Variants in ARMH4 observed in about 807,000 individuals in gnomAD.
The protein encoded by ARMH4 is armadillo like helical domain containing 4, also known as armadillo-like helical domain-containing protein 4.
A neutral mutation model predicts 61.9 loss-of-function variants in ARMH4; 49 were observed. The observed-to-expected ratio is 0.79, with a 90% CI of 0.63 to 1.00. The LOEUF (loss-of-function observed/expected upper bound fraction) is 1.00. ARMH4 is among the 50% of genes least tolerant of loss of function. The pLI, the probability that ARMH4 is intolerant of heterozygous loss-of-function variation, is 0.00. For missense variants in ARMH4, 934 were observed against 930.0 expected (o/e 1.00, Z -0.06); for synonymous variants, 368 against 341.5 (o/e 1.08, Z -0.85).
At chr14:58,103,300 A>G (rs962394581) in intron 4 of ARMH4, among the ~76,000 whole-genome samples, 1 of 152,094 alleles carries the variant, frequency 6.6e-6, no homozygotes, top group Non-Finnish European at 1.5e-5. Context: ...CCTCCCTGCT[A>G]TGGTCTGCAT....
chr14:58,061,246 G>A (rs902384571), intron 5 of ARMH4, among the ~76,000 whole-genome samples: 3 of 152,154 alleles, frequency 2.0e-5, no homozygotes, highest in Non-Finnish European at 4.4e-5. Flanking sequence ...CCAAGTCTAG[G>A]ACGAGCGACC....
At chr14:58,058,807 T>A (rs1884430812) in intron 5 of ARMH4, among the ~76,000 whole-genome samples, 1 of 152,170 alleles carries the variant, frequency 6.6e-6, no homozygotes, top group African/African-American at 2.4e-5. Flanking sequence ...GGATCTTCAG[T>A]TGATTGAATT....
chr14:58,097,206 T>C (rs1885783672), intron 4 of ARMH4, among the ~76,000 whole-genome samples: 1 of 152,204 alleles, frequency 6.6e-6, no homozygotes, highest in Admixed American at 6.5e-5. Flanking sequence ...AAGTATCAGG[T>C]ATTATGTTTA....
chr14:58,078,750 G>C (rs953510456), intron 5 of ARMH4, among the ~76,000 whole-genome samples: 4 of 152,214 alleles, frequency 2.6e-5, no homozygotes, highest in Admixed American at 2.0e-4. Context: ...AGTAGGCATG[G>C]CTGTGTTCCC....
chr14:58,067,670 T>G (rs1193250139), intron 5 of ARMH4, among the ~76,000 whole-genome samples: 1 of 152,214 alleles, frequency 6.6e-6, no homozygotes, highest in African/African-American at 2.4e-5. Flanking sequence ...AAGCCAGGGT[T>G]ATATAGTTTA....
intron 5 of ARMH4, among the ~76,000 whole-genome samples, chr14:58,072,834 C>G (rs1447141295): frequency 1.3e-5 from 2 of 152,052 alleles, no homozygotes. Flanking sequence ...GTAGGTGGTG[C>G]CTGAGACAAG....
chr14:58,124,687 A>T (rs1886838386), intron 4 of ARMH4, among the ~76,000 whole-genome samples: 1 of 152,202 alleles, frequency 6.6e-6, no homozygotes, highest in Non-Finnish European at 1.5e-5. Context: ...TAATTGCTCA[A>T]ACCTACGCTG....
chr14:58,035,929 G>C (rs1883465538), intron 5 of ARMH4, among the ~76,000 whole-genome samples: 1 of 132,126 alleles, frequency 7.6e-6, no homozygotes, highest in South Asian at 2.4e-4. Context: ...ACCAAAAAGA[G>C]TCCAGGACCA....
intron 5 of ARMH4, among the ~76,000 whole-genome samples, chr14:58,016,346 T>C (rs776281356): frequency 6.6e-6 from 1 of 152,262 alleles, no homozygotes; most frequent in South Asian, 2.1e-4. Context: ...AACTTACACA[T>C]TGCAAAGGAA....
At chr14:58,092,734 C>T (rs1264237445) in intron 5 of ARMH4, among the ~76,000 whole-genome samples, 3 of 152,140 alleles carry the variant, frequency 2.0e-5, no homozygotes, top group Non-Finnish European at 4.4e-5. Context: ...TCCTACTTCC[C>T]TCTCATAAGA....
intron 5 of ARMH4, among the ~76,000 whole-genome samples, chr14:58,051,592 A>G (rs539163033): frequency 6.6e-6 from 1 of 152,352 alleles, no homozygotes; most frequent in South Asian, 2.1e-4. Flanking sequence ...CAGGGTAGAG[A>G]CAACTCTTTG....
At chr14:58,063,104 T>C (rs541119114) in intron 5 of ARMH4, among the ~76,000 whole-genome samples, 7 of 152,282 alleles carry the variant, frequency 4.6e-5, no homozygotes, top group African/African-American at 1.7e-4. Flanking sequence ...TCCTTGTCTC[T>C]TCCTGGCTCT....
intron 4 of ARMH4, among the ~76,000 whole-genome samples, chr14:58,120,153 C>T (rs948793548): frequency 1.3e-5 from 2 of 152,044 alleles, no homozygotes; most frequent in Non-Finnish European, 2.9e-5. Flanking sequence ...CAGCATGTTA[C>T]TGTACTGAAT....
intron 1 of ARMH4, among the ~76,000 whole-genome samples, chr14:58,144,711 CA>C (rs1375696554): frequency 2.0e-5 from 3 of 151,890 alleles, no homozygotes; most frequent in Non-Finnish European, 4.4e-5. Context: ...ACTAAAAATA[CA>C]AAAAAATTAG....
intron 1 of ARMH4, among the ~76,000 whole-genome samples, chr14:58,145,539 G>C (rs1887707690): frequency 6.6e-6 from 1 of 152,170 alleles, no homozygotes; most frequent in Non-Finnish European, 1.5e-5. Context: ...AAATAATAAA[G>C]ACTTAATACA....
intron 5 of ARMH4, among the ~76,000 whole-genome samples, chr14:58,043,696 CT>C (rs1329307178): frequency 6.6e-6 from 1 of 152,140 alleles, no homozygotes; most frequent in Non-Finnish European, 1.5e-5. Context: ...GATTGTATAT[CT>C]AGAAAACCCC....
At position 58,004,690 on chromosome 14, in the gene ARMH4, T is replaced by C. The variant is rs371953215; in HGVS notation, c.*46A>G. ...TTTTTTTCTGCTCCAAAATAAAAAT[T>C]AGAATAGTAGCATCGTTGAATATCC... is the stretch of plus-strand genomic sequence containing the variant. On this transcript the variant is annotated 3_prime_UTR_variant, in exon 8 of 8. Coordinates refer to ENST00000267485, the MANE Select transcript of ARMH4 (RefSeq NM_001001872.4). 4.5e-5 allele frequency: 65 copies of C among 1,435,762 alleles called. No homozygotes were observed. Among genetic ancestry groups the C allele is most frequent in the Non-Finnish European group, 5.7e-5 (59 of 1,039,148 alleles). The allele number at this position is 1,435,762 out of a possible 1,614,324, so 88.9% of individuals were successfully genotyped here.
intron 1 of ARMH4, among the ~76,000 whole-genome samples, chr14:58,146,684 C>T (rs747663796): frequency 2.5e-4 from 38 of 152,284 alleles, no homozygotes; most frequent in Non-Finnish European, 4.7e-4. Context: ...CAAAGACAAA[C>T]GAAAGGCAAC....
intron 1 of ARMH4, chr14:58,141,455 A>G: frequency 3.7e-6 from 2 of 541,152 alleles, no homozygotes; most frequent in East Asian, 9.7e-5. Flanking sequence ...CTCTCAGGCT[A>G]CAACATCCAG....
Sources: allele counts gnomAD v4.1 joint callset (sites outside exome capture counted in the v4.1 genomes callset), GRCh38; gene constraint gnomAD v4.1.1; transcripts MANE v1.5; gene names NCBI Gene and HGNC (gene_info 2026-07-23, HGNC 2026-07-21).